ACAP2: variants seen among roughly 807,000 people sequenced by gnomAD.
ACAP2 encodes the protein ArfGAP with coiled-coil, ankyrin repeat and PH domains 2.
Under a neutral mutation model 115.8 loss-of-function variants are expected in ACAP2, and 39 were observed. That is an observed-to-expected ratio of 0.34 (90% CI 0.26 to 0.44). The LOEUF (loss-of-function observed/expected upper bound fraction) is 0.44. Ranked by LOEUF, ACAP2 falls within the 20% of genes least tolerant of loss-of-function variation. The pLI, the probability that ACAP2 is intolerant of heterozygous loss-of-function variation, is 1.00. For missense variants in ACAP2, 662 were observed against 927.6 expected (o/e 0.71, Z 3.72); for synonymous variants, 289 against 315.8 (o/e 0.92, Z 0.90).
At chr3:195,332,429 C>T (rs948807630) in intron 8 of ACAP2, among the ~76,000 whole-genome samples, 1 of 152,202 alleles carries the variant, frequency 6.6e-6, no homozygotes, top group African/African-American at 2.4e-5. Flanking sequence ...CACATGCAAA[C>T]TATAACATAA....
chr3:195,289,641 T>A (rs6779098), intron 20 of ACAP2, among the ~76,000 whole-genome samples: 1,848 of 144,724 alleles, frequency 0.013, 26 homozygotes, highest in African/African-American at 0.04. Flanking sequence ...TCTACTAAAA[T>A]TAAAAAAAAA....
intron 2 of ACAP2, among the ~76,000 whole-genome samples, chr3:195,389,031 A>C (rs6806763): frequency 0.27 from 41,433 of 150,682 alleles, 6,331 homozygotes; most frequent in East Asian, 0.71. Context: ...TTCTTAAAAA[A>C]AAAATTAAAA....
chr3:195,423,974 A>T (rs1180786805), intron 1 of ACAP2, among the ~76,000 whole-genome samples: 3 of 151,932 alleles, frequency 2.0e-5, no homozygotes, highest in Admixed American at 6.6e-5. Flanking sequence ...AACCAAGCAC[A>T]GGGCCTTTCT....
At chr3:195,365,536 G>A (rs939574978) in intron 4 of ACAP2, among the ~76,000 whole-genome samples, 12 of 151,618 alleles carry the variant, frequency 7.9e-5, no homozygotes, top group African/African-American at 2.9e-4. Flanking sequence ...CCCTGCACTC[G>A]AGCCTGAGTG....
At chr3:195,401,561 G>A (rs951133282) in intron 1 of ACAP2, among the ~76,000 whole-genome samples, 13 of 152,274 alleles carry the variant, frequency 8.5e-5, no homozygotes, top group South Asian at 4.1e-4. Context: ...CAGCTACACC[G>A]GTTGCTGAGG....
At position 195,342,468 on chromosome 3, in the gene ACAP2, T is replaced by C. The variant is rs1423437137; in HGVS notation, c.528+3A>G. On this transcript the variant is annotated splice_donor_region_variant and intron_variant, in intron 6 of 22. Transcript: ENST00000326793. ...AAAACATACACAGTAAGAAACTATA[T>C]ACCTGAAGCACATAATCGAGGGCTA... 4 of 1,593,344 alleles carry C rather than the reference T, an allele frequency of 2.5e-6. No homozygotes were observed. Among genetic ancestry groups the C allele is most frequent in the African/African-American group, 1.4e-5 (1 of 73,262 alleles).
At chr3:195,326,735 T>C (rs192862610) in intron 9 of ACAP2, 150 bp downstream of exon 9, 5 of 596,508 alleles carry the variant, frequency 8.4e-6, no homozygotes, top group East Asian at 2.9e-5. Context: ...CTGAAGAACA[T>C]TTTGCTCTTC....
chr3:195,302,811 G>C (rs564410237), intron 13 of ACAP2, among the ~76,000 whole-genome samples: 1 of 152,176 alleles, frequency 6.6e-6, no homozygotes, highest in Non-Finnish European at 1.5e-5. Context: ...TTTTGGCCGA[G>C]AGCGGTGTCA....
At chr3:195,376,580 A>G (rs190530664) in intron 4 of ACAP2, among the ~76,000 whole-genome samples, 11 of 152,312 alleles carry the variant, frequency 7.2e-5, no homozygotes, top group African/African-American at 2.6e-4. Flanking sequence ...TATGAGTTAA[A>G]GAGAAACCTA....
chr3:195,286,847 G>C (rs181562630), intron 21 of ACAP2, among the ~76,000 whole-genome samples: 1 of 152,304 alleles, frequency 6.6e-6, no homozygotes, highest in Admixed American at 6.5e-5. Context: ...CTGCTATATA[G>C]GTATTGCCTG....
chr3:195,431,438 C>T (rs73080839), intron 1 of ACAP2, among the ~76,000 whole-genome samples: 26,356 of 151,430 alleles, frequency 0.17, 2,516 homozygotes, highest in Admixed American at 0.28. Context: ...CTATGTTTAA[C>T]TTTTCTTTTT....
intron 4 of ACAP2, among the ~76,000 whole-genome samples, chr3:195,373,160 A>T (rs1157464020): frequency 2.6e-5 from 4 of 152,176 alleles, no homozygotes; most frequent in African/African-American, 9.6e-5. Flanking sequence ...AGCCAGGTGC[A>T]GTGGCTCACA....
chr3:195,382,880 A>G (rs112181220), intron 2 of ACAP2, among the ~76,000 whole-genome samples: 3 of 138,698 alleles, frequency 2.2e-5, no homozygotes, highest in Non-Finnish European at 3.1e-5. Flanking sequence ...CTATGCATGG[A>G]AAAAAAAAAA....
At chr3:195,339,502 A>C (rs1730732965) in intron 6 of ACAP2, among the ~76,000 whole-genome samples, 1 of 150,012 alleles carries the variant, frequency 6.7e-6, no homozygotes, top group Non-Finnish European at 1.5e-5. Flanking sequence ...TATATTATAT[A>C]ATATTTAAAT....
chr3:195,381,087 A>T (rs759670103), intron 3 of ACAP2, 25 bp from the exon 4 acceptor site: 10 of 1,578,996 alleles, frequency 6.3e-6, no homozygotes, highest in Non-Finnish European at 8.6e-6. Flanking sequence ...GCAAAAGAAA[A>T]CCAAATCATT....
intron 1 of ACAP2, among the ~76,000 whole-genome samples, chr3:195,429,541 G>T (rs1389657417): frequency 1.3e-5 from 2 of 152,084 alleles, no homozygotes; most frequent in African/African-American, 4.8e-5. Context: ...CTAATCTAAA[G>T]TTCAAAAAAA....
intron 1 of ACAP2, among the ~76,000 whole-genome samples, chr3:195,403,730 C>A (rs932222263): frequency 6.6e-6 from 1 of 152,144 alleles, no homozygotes; most frequent in Non-Finnish European, 1.5e-5. Flanking sequence ...GGCAAGACTA[C>A]AGGCGGAACA....
At chr3:195,423,341 G>A (rs1031026311) in intron 1 of ACAP2, among the ~76,000 whole-genome samples, 10 of 152,168 alleles carry the variant, frequency 6.6e-5, no homozygotes, top group African/African-American at 2.2e-4. Flanking sequence ...CAAGTATTTC[G>A]GCCGGGCATG....
At chr3:195,339,781 TA>T (rs1441902340) in intron 6 of ACAP2, among the ~76,000 whole-genome samples, 1 of 152,018 alleles carries the variant, frequency 6.6e-6, no homozygotes, top group Non-Finnish European at 1.5e-5. Context: ...TGTGTAAGTT[TA>T]AAAATAATGA....
Sources: gnomAD v4.1 joint callset for allele counts (sites outside exome capture counted in the v4.1 genomes callset) on GRCh38, gnomAD v4.1.1 for gene constraint, MANE v1.5 for transcripts, NCBI Gene and HGNC (gene_info 2026-07-23, HGNC 2026-07-21) for gene names.